Variants in SMAD3 observed in about 807,000 individuals in gnomAD.
The protein encoded by SMAD3 is SMAD family member 3, also known as MAD homolog 3.
A neutral mutation model predicts 51.8 loss-of-function variants in SMAD3; 12 were observed. The ratio of observed to expected loss-of-function variants is 0.23; its 90% CI spans 0.15 to 0.38. The LOEUF (loss-of-function observed/expected upper bound fraction) is 0.38. Ranked by LOEUF, SMAD3 falls within the 10% of genes least tolerant of loss-of-function variation. SMAD3 has a pLI of 1.00. For missense variants in SMAD3, 294 were observed against 565.6 expected (o/e 0.52, Z 4.87); for synonymous variants, 238 against 227.7 (o/e 1.05, Z -0.41).
At chr15:67,090,144 C>T (rs1355848719) in intron 1 of SMAD3, among the ~76,000 whole-genome samples, 1 of 152,114 alleles carries the variant, frequency 6.6e-6, no homozygotes, top group Admixed American at 6.5e-5. Flanking sequence ...TGGCTGGAGT[C>T]GGGGTTCACC....
intron 8 of SMAD3, among the ~76,000 whole-genome samples, chr15:67,188,958 C>G (rs1963293215): frequency 6.6e-6 from 1 of 152,208 alleles, no homozygotes; most frequent in Non-Finnish European, 1.5e-5. Context: ...TTGGGTGTCT[C>G]TGAAATCCAG....
At chr15:67,083,952 G>A (rs1174552156) in intron 1 of SMAD3, among the ~76,000 whole-genome samples, 1 of 151,848 alleles carries the variant, frequency 6.6e-6, no homozygotes, top group African/African-American at 2.4e-5. Flanking sequence ...TGGGCTTTAT[G>A]ACTTTGGGGA....
At chr15:67,153,158 A>C (rs1445685832) in intron 1 of SMAD3, among the ~76,000 whole-genome samples, 1 of 152,098 alleles carries the variant, frequency 6.6e-6, no homozygotes, top group Non-Finnish European at 1.5e-5. Flanking sequence ...TGAGTTACTG[A>C]GTGAGAAGTG....
chr15:67,103,436 G>C, intron 1 of SMAD3, among the ~76,000 whole-genome samples: 1 of 152,194 alleles, frequency 6.6e-6, no homozygotes, highest in East Asian at 1.9e-4. Context: ...AGCAGAACAC[G>C]ATGCAAACAT....
At chr15:67,080,206 T>G (rs1960251671) in intron 1 of SMAD3, among the ~76,000 whole-genome samples, 1 of 152,180 alleles carries the variant, frequency 6.6e-6, no homozygotes, top group African/African-American at 2.4e-5. Flanking sequence ...ATGTGCAAAT[T>G]ATGTCCTGCT....
At chr15:67,094,766 C>T (rs965306898) in intron 1 of SMAD3, among the ~76,000 whole-genome samples, 1 of 152,244 alleles carries the variant, frequency 6.6e-6, no homozygotes, top group Non-Finnish European at 1.5e-5. Context: ...ACCCTTTAAT[C>T]AGACCCTTCC....
chr15:67,073,834 C>G (rs761351239), intron 1 of SMAD3, among the ~76,000 whole-genome samples: 14 of 152,206 alleles, frequency 9.2e-5, no homozygotes, highest in Non-Finnish European at 1.9e-4. Context: ...GCCACCACAC[C>G]CGGCTAATTT....
At chr15:67,099,707 G>A (rs1960706468) in intron 1 of SMAD3, among the ~76,000 whole-genome samples, 1 of 152,196 alleles carries the variant, frequency 6.6e-6, no homozygotes, top group Non-Finnish European at 1.5e-5. Flanking sequence ...TGTGCTATGA[G>A]GAATTTTTGT....
intron 4 of SMAD3, among the ~76,000 whole-genome samples, chr15:67,168,152 G>A (rs549015117): frequency 2.6e-5 from 4 of 152,276 alleles, no homozygotes; most frequent in South Asian, 4.1e-4. Flanking sequence ...ACAGGGTTTC[G>A]CCATGTTGGC....
rs181170904 is a variant in SMAD3, at chr15:67,175,910, C to T, written c.658+5306C>T. 5.3e-3 allele frequency among the ~76,000 whole-genome samples: 805 copies of T among 152,184 alleles called. 14 individuals carry two copies. Among genetic ancestry groups the T allele is most frequent in the African/African-American group, 0.019 (768 of 41,442 alleles). Reference sequence around the variant, plus strand: ...GGTCTTCCCCACACTTGTGAAATCACAGGCAGGGTCTTCCCCACACTTGTG... The same window carrying T: ...GGTCTTCCCCACACTTGTGAAATCATAGGCAGGGTCTTCCCCACACTTGTG... On this transcript the variant is annotated intron_variant, in intron 5 of 8. Coordinates refer to ENST00000327367, the MANE Select transcript of SMAD3 (RefSeq NM_005902.4).
intron 1 of SMAD3, among the ~76,000 whole-genome samples, chr15:67,149,412 C>T (rs72743461): frequency 3.9e-5 from 6 of 151,942 alleles, no homozygotes; most frequent in African/African-American, 1.2e-4. Context: ...AGCGGGAGGA[C>T]GCCTCACCTG....
chr15:67,148,097 CATTGAAGG>C (rs1962028869), intron 1 of SMAD3, among the ~76,000 whole-genome samples: 1 of 152,280 alleles, frequency 6.6e-6, no homozygotes, highest in East Asian at 1.9e-4. Context: ...TGCCTAAAAG[CATTGAAGG>C]AATGAGAAGT....
At chr15:67,147,884 C>A (rs748166880) in intron 1 of SMAD3, among the ~76,000 whole-genome samples, 1 of 152,136 alleles carries the variant, frequency 6.6e-6, no homozygotes, top group African/African-American at 2.4e-5. Context: ...TTGATGTTGG[C>A]GTCGGGTTTG....
At chr15:67,137,861 G>A (rs2140260438) in intron 1 of SMAD3, 3 of 586,036 alleles carry the variant, frequency 5.1e-6, no homozygotes, top group Non-Finnish European at 9.3e-6. Flanking sequence ...AGCTTGCAAA[G>A]TACTGTCCTC....
chr15:67,173,728 GCAAAA>G (rs963340325), intron 5 of SMAD3, among the ~76,000 whole-genome samples: 8 of 152,086 alleles, frequency 5.3e-5, no homozygotes, highest in Non-Finnish European at 1.0e-4. Context: ...ATTACTGGAG[GCAAAA>G]CAAAACAAAA....
intron 1 of SMAD3, among the ~76,000 whole-genome samples, chr15:67,071,982 T>A (rs4776879): frequency 0.4 from 60,572 of 151,830 alleles, 12,502 homozygotes; most frequent in South Asian, 0.55. Context: ...GTATATTTTT[T>A]AAAAAGTCTT....
chr15:67,172,628 T>A (rs1962781940), intron 5 of SMAD3, among the ~76,000 whole-genome samples: 1 of 152,242 alleles, frequency 6.6e-6, no homozygotes, highest in Non-Finnish European at 1.5e-5. Flanking sequence ...TTTATAACTT[T>A]ATAAGGCAGA....
chr15:67,187,100 T>C (rs1437861660), intron 7 of SMAD3: 1 of 637,430 alleles, frequency 1.6e-6, no homozygotes, highest in South Asian at 1.5e-5. Flanking sequence ...GAGTCGGAGC[T>C]TGTGGGCCAG....
intron 1 of SMAD3, among the ~76,000 whole-genome samples, chr15:67,083,988 G>T (rs1469464691): frequency 5.9e-5 from 9 of 151,402 alleles, no homozygotes; most frequent in Non-Finnish European, 8.8e-5. Context: ...CTGGGTGTTG[G>T]TCTTCTCTTC....
Sources: gnomAD v4.1 joint callset for allele counts (sites outside exome capture counted in the v4.1 genomes callset) on GRCh38, gnomAD v4.1.1 for gene constraint, MANE v1.5 for transcripts, NCBI Gene and HGNC (gene_info 2026-07-23, HGNC 2026-07-21) for gene names.